MED13L: variants seen among roughly 807,000 people sequenced by gnomAD.
MED13L encodes the protein mediator complex subunit 13L.
In MED13L, 7 loss-of-function variants were observed where a neutral mutation model predicts 220.9. The observed-to-expected ratio is 0.03, with a 90% CI of 0.02 to 0.06. MED13L has a LOEUF of 0.06. Among genes scored for constraint, MED13L ranks in the 10% least tolerant of loss-of-function variants. The pLI is 1.00. For missense variants in MED13L, 1,965 were observed against 2,760.5 expected (o/e 0.71, Z 6.46); for synonymous variants, 1,011 against 1,015.2 (o/e 1.00, Z 0.08).
intron 2 of MED13L, among the ~76,000 whole-genome samples, chr12:116,150,914 A>C (rs1345880229): frequency 6.6e-6 from 1 of 152,144 alleles, no homozygotes; most frequent in African/African-American, 2.4e-5. Context: ...TCGCTACCAG[A>C]TGTTCTGAGA....
chr12:116,206,838 T>C (rs1027310603), intron 2 of MED13L, among the ~76,000 whole-genome samples: 1 of 152,214 alleles, frequency 6.6e-6, no homozygotes, highest in Non-Finnish European at 1.5e-5. Flanking sequence ...TTTTGTAGAT[T>C]TGACTTTGGA....
intron 2 of MED13L, among the ~76,000 whole-genome samples, chr12:116,119,801 C>T (rs1305636061): frequency 1.0e-5 from 1 of 95,744 alleles, no homozygotes; most frequent in Non-Finnish European, 1.9e-5. Context: ...AGAAAGACCC[C>T]ATATCTTTAA....
At chr12:116,076,160 G>A (rs967959693) in intron 4 of MED13L, among the ~76,000 whole-genome samples, 8 of 152,136 alleles carry the variant, frequency 5.3e-5, no homozygotes, top group Middle Eastern at 3.4e-3. Context: ...TGATCCGCCC[G>A]CCTCGGCCTC....
Position 116,254,761 on chromosome 12 carries a change from G to C in MED13L, c.73-17056C>G, listed in dbSNP as rs533837677. 4.0e-5 allele frequency among the ~76,000 whole-genome samples: 6 copies of C among 151,390 alleles called. No individual in the cohort carries two copies. The South Asian group carries it at 6.2e-4, about 16-fold the overall frequency. On this transcript the variant is annotated intron_variant, in intron 1 of 30. Coordinates refer to ENST00000281928, the MANE Select transcript of MED13L (RefSeq NM_015335.5). ...ACAGAGTGAGACTCTGTGTCCAAAGGGGGTGGGGGGGAATACTCTAAAATA... is the reference window on the plus strand; with the variant it reads ...ACAGAGTGAGACTCTGTGTCCAAAGCGGGTGGGGGGGAATACTCTAAAATA...
At chr12:116,011,080 T>A (rs1175534058) in intron 9 of MED13L, among the ~76,000 whole-genome samples, 3 of 151,440 alleles carry the variant, frequency 2.0e-5, no homozygotes, top group Admixed American at 2.0e-4. Context: ...AGAAATGGGG[T>A]TTCACCATGT....
At chr12:116,023,033 C>T (rs1880153634) in intron 4 of MED13L, among the ~76,000 whole-genome samples, 1 of 152,160 alleles carries the variant, frequency 6.6e-6, no homozygotes, top group Non-Finnish European at 1.5e-5. Context: ...TAACAGCTCA[C>T]ACCTGTAACT....
At chr12:116,061,404 T>C (rs1869468967) in intron 4 of MED13L, among the ~76,000 whole-genome samples, 1 of 152,268 alleles carries the variant, frequency 6.6e-6, no homozygotes, top group African/African-American at 2.4e-5. Flanking sequence ...GGTTATACAA[T>C]TAGGCAGAAC....
At chr12:116,182,242 C>A (rs1033898947) in intron 2 of MED13L, among the ~76,000 whole-genome samples, 11 of 152,292 alleles carry the variant, frequency 7.2e-5, no homozygotes, top group Non-Finnish European at 8.8e-5. Context: ...TCAAACTGGT[C>A]TTACTTTAAT....
At chr12:116,049,367 T>C (rs550878078) in intron 4 of MED13L, among the ~76,000 whole-genome samples, 8 of 152,334 alleles carry the variant, frequency 5.3e-5, no homozygotes, top group Non-Finnish European at 8.8e-5. Context: ...CAGATTTTTA[T>C]TAGCCAAAAC....
chr12:116,106,157 G>A (rs1873554841), intron 3 of MED13L, among the ~76,000 whole-genome samples: 1 of 152,182 alleles, frequency 6.6e-6, no homozygotes, highest in African/African-American at 2.4e-5. Flanking sequence ...GAGGTCTTCT[G>A]TTACTACAGC....
At chr12:116,035,936 TCTCA>T (rs1881168347) in intron 4 of MED13L, among the ~76,000 whole-genome samples, 1 of 152,140 alleles carries the variant, frequency 6.6e-6, no homozygotes, top group Non-Finnish European at 1.5e-5. Context: ...CAACTTCATC[TCTCA>T]CTATTTTAAT....
chr12:116,020,462 T>A (rs1452928759), intron 5 of MED13L, among the ~76,000 whole-genome samples: 1 of 152,176 alleles, frequency 6.6e-6, no homozygotes, highest in Non-Finnish European at 1.5e-5. Flanking sequence ...ACTTGAACAC[T>A]CTTGTGGTTC....
chr12:116,179,834 A>G (rs1430339711), intron 2 of MED13L, among the ~76,000 whole-genome samples: 1 of 152,150 alleles, frequency 6.6e-6, no homozygotes, highest in Non-Finnish European at 1.5e-5. Flanking sequence ...GTGCCTCATT[A>G]GATAATTAGT....
chr12:115,976,111 A>G (rs1229884564), intron 23 of MED13L, among the ~76,000 whole-genome samples: 2 of 152,218 alleles, frequency 1.3e-5, no homozygotes, highest in Non-Finnish European at 2.9e-5. Flanking sequence ...AAGAATATGG[A>G]GCAACAAGAA....
intron 4 of MED13L, among the ~76,000 whole-genome samples, chr12:116,089,368 A>G (rs750310545): frequency 1.3e-5 from 2 of 152,186 alleles, no homozygotes; most frequent in Non-Finnish European, 2.9e-5. Context: ...ATTTTCACTA[A>G]GTCTTGACTA....
chr12:116,120,475 T>TCACACA (rs1280509373), intron 2 of MED13L, among the ~76,000 whole-genome samples: 75 of 91,736 alleles, frequency 8.2e-4, no homozygotes, highest in African/African-American at 2.3e-3. Flanking sequence ...TCTCTCTCTC[T>TCACACA]CTCACACACA....
chr12:115,961,687 G>T, intron 30 of MED13L: 1 of 445,938 alleles, frequency 2.2e-6, no homozygotes, highest in Non-Finnish European at 4.2e-6. Context: ...AACACTTAGG[G>T]GCCAGGTGCA....
At chr12:116,076,671 T>C (rs994643843) in intron 4 of MED13L, among the ~76,000 whole-genome samples, 1 of 152,198 alleles carries the variant, frequency 6.6e-6, no homozygotes, top group Non-Finnish European at 1.5e-5. Context: ...CACCATAATA[T>C]TGTGACAAGT....
At chr12:116,155,121 C>G (rs1878330813) in intron 2 of MED13L, among the ~76,000 whole-genome samples, 1 of 152,170 alleles carries the variant, frequency 6.6e-6, no homozygotes, top group Non-Finnish European at 1.5e-5. Context: ...GCCACCACCA[C>G]CGGCCAAGAT....
Sources: allele counts gnomAD v4.1 joint callset (sites outside exome capture counted in the v4.1 genomes callset), GRCh38; gene constraint gnomAD v4.1.1; transcripts MANE v1.5; gene names NCBI Gene and HGNC (gene_info 2026-07-23, HGNC 2026-07-21).